Variants in PDSS2 observed in about 807,000 individuals in gnomAD.
PDSS2 encodes decaprenyl diphosphate synthase subunit 2, also known as all trans-polyprenyl-diphosphate synthase PDSS2.
Under a neutral mutation model 44.5 loss-of-function variants are expected in PDSS2, and 31 were observed. That is an observed-to-expected ratio of 0.70 (90% CI 0.52 to 0.94). The LOEUF (loss-of-function observed/expected upper bound fraction) is 0.94, where lower values mean the gene tolerates loss of function less well. Ranked by LOEUF, PDSS2 falls within the 40% of genes least tolerant of loss-of-function variation. PDSS2 has a pLI of 0.00. For synonymous variants in PDSS2, 157 were observed against 180.3 expected, an observed-to-expected ratio of 0.87 and a Z score of 1.03; for missense variants, 452 against 482.2, an observed-to-expected ratio of 0.94 and a Z score of 0.59.
intron 1 of PDSS2, among the ~76,000 whole-genome samples, chr6:107,415,203 C>T (rs1253883936): frequency 2.6e-5 from 4 of 151,846 alleles, no homozygotes; most frequent in Non-Finnish European, 5.9e-5. Context: ...GAAAGAACTC[C>T]TAAGCCCACC....
At chr6:107,181,767 G>A (rs1771992586) in intron 7 of PDSS2, among the ~76,000 whole-genome samples, 1 of 151,024 alleles carries the variant, frequency 6.6e-6, no homozygotes, top group Non-Finnish European at 1.5e-5. Context: ...GTGCACACCT[G>A]TAATCCAAGC....
intron 1 of PDSS2, among the ~76,000 whole-genome samples, chr6:107,390,299 C>T (rs372288642): frequency 3.3e-5 from 5 of 152,114 alleles, no homozygotes; most frequent in East Asian, 1.9e-4. Flanking sequence ...TAAGTCATAA[C>T]GTAAAATGTA....
intron 1 of PDSS2, among the ~76,000 whole-genome samples, chr6:107,452,707 C>A (rs1026748330): frequency 2.6e-5 from 4 of 151,770 alleles, no homozygotes. Context: ...CACTCTGTCT[C>A]CCAGGCTGGC....
chr6:107,423,634 GC>G (rs1197204062), intron 1 of PDSS2, among the ~76,000 whole-genome samples: 2 of 152,130 alleles, frequency 1.3e-5, no homozygotes, highest in Non-Finnish European at 2.9e-5. Flanking sequence ...CTCTCCCGAA[GC>G]CCTTCCAGCA....
chr6:107,229,881 A>T (rs149244372), intron 4 of PDSS2: 1 of 196,004 alleles, frequency 5.1e-6, no homozygotes, highest in African/African-American at 2.3e-5. Context: ...CTAAGGCAGA[A>T]ATTCAGAGAA....
intron 7 of PDSS2, among the ~76,000 whole-genome samples, chr6:107,178,412 G>T (rs1177234006): frequency 6.6e-6 from 1 of 152,166 alleles, no homozygotes; most frequent in Non-Finnish European, 1.5e-5. Flanking sequence ...AGGTGTATTT[G>T]TTAACTTAGA....
intron 7 of PDSS2, among the ~76,000 whole-genome samples, chr6:107,164,462 C>T (rs530685459): frequency 6.6e-5 from 10 of 152,182 alleles, no homozygotes; most frequent in South Asian, 2.1e-4. Flanking sequence ...TGACGGTTTC[C>T]GGTTTCATCC....
intron 1 of PDSS2, among the ~76,000 whole-genome samples, chr6:107,429,809 G>A (rs567776719): frequency 1.4e-5 from 2 of 147,670 alleles, no homozygotes; most frequent in South Asian, 2.2e-4. Flanking sequence ...ACTTGAAATC[G>A]GGAGGCGGAG....
intron 1 of PDSS2, among the ~76,000 whole-genome samples, chr6:107,412,602 A>G (rs987613968): frequency 6.6e-6 from 1 of 152,140 alleles, no homozygotes; most frequent in African/African-American, 2.4e-5. Context: ...CTCCATTTAT[A>G]CAACTGTCGG....
In PDSS2 at chr6:107,285,074, G is replaced by A. The variant is rs552316215; in HGVS notation, c.432-10847C>T. On this transcript the variant is annotated intron_variant, in intron 2 of 7. Transcript: ENST00000369037. The stretch of plus-strand genomic sequence containing the variant: ...CCAGGACTCTGGTTCTAAAGCCTGG[G>A]CTCTTTGCATATCAATAGAAAACTA... 7.2e-5 allele frequency among the ~76,000 whole-genome samples: 11 copies of A among 152,252 alleles called. 1 individual carries two copies. Among genetic ancestry groups the A allele is most frequent in the Admixed American group, 7.2e-4 (11 of 15,288 alleles).
chr6:107,245,474 A>C lies in PDSS2; in HGVS notation c.702+74T>G. The C allele has an allele frequency of 2.7e-6, 2 of 746,468 alleles. 1 individual carries two copies. Among genetic ancestry groups the C allele is most frequent in the South Asian group, 3.5e-5 (2 of 57,934 alleles). 46.2% of individuals were successfully genotyped at this position (746,468 alleles called of 1,614,324 possible). ...ATGTACAATTTAAACACAAAACAAG[A>C]ATGACATTTTCGTTATTCTAGTTGT... On this transcript the variant is annotated intron_variant, in intron 4 of 7. Coordinates refer to ENST00000369037, the MANE Select transcript of PDSS2 (RefSeq NM_020381.4).
chr6:107,327,615 C>T (rs1777588630), intron 2 of PDSS2, among the ~76,000 whole-genome samples: 2 of 152,142 alleles, frequency 1.3e-5, no homozygotes, highest in Non-Finnish European at 1.5e-5. Flanking sequence ...CACCATCATG[C>T]CCAGCTAATT....
intron 2 of PDSS2, among the ~76,000 whole-genome samples, chr6:107,311,333 A>C (rs570717079): frequency 6.6e-6 from 1 of 151,898 alleles, no homozygotes; most frequent in Admixed American, 6.6e-5. Context: ...CAGCCTCCCG[A>C]GTAGCTGGGA....
rs1482929980 is a variant in PDSS2, at chr6:107,154,017, G to T, written c.*602C>A. ...TTGAACCCAGGAGGCGGAGGTTGCA[G>T]TGAGTCAAAACTGCACCATTGCACT... On this transcript the variant is annotated 3_prime_UTR_variant, in exon 8 of 8. Transcript: ENST00000369037. 6.5e-6 allele frequency: 1 copy of T among 152,990 alleles called. No homozygotes were observed. Among genetic ancestry groups the T allele is most frequent in the African/African-American group, 2.4e-5 (1 of 41,430 alleles). The allele number at this position is 152,990 out of a possible 1,614,324, so 9.5% of individuals were successfully genotyped here. A position where few individuals can be genotyped will look rare whatever the true frequency, so the allele number is the denominator to read the frequency against.
chr6:107,267,039 T>C lies in PDSS2; in HGVS notation c.630+6990A>G, dbSNP rs374326097. On this transcript the variant is annotated intron_variant, in intron 3 of 7. Transcript: ENST00000369037. ...TTGTTTGTATCATTTAACATGATTA[T>C]GTTTGTATACAATACCACCGTTTGA... 2.6e-5 allele frequency among the ~76,000 whole-genome samples: 4 copies of C among 152,264 alleles called. No homozygotes were observed. The East Asian group carries it at 7.7e-4, about 29-fold the overall frequency.
At chr6:107,323,348 G>A (rs138520492) in intron 2 of PDSS2, among the ~76,000 whole-genome samples, 1 of 152,274 alleles carries the variant, frequency 6.6e-6, no homozygotes, top group African/African-American at 2.4e-5. Context: ...GTCCAGTGCT[G>A]TGCCTTGCAG....
chr6:107,379,767 G>A (rs1413221872), intron 1 of PDSS2, among the ~76,000 whole-genome samples: 1 of 151,832 alleles, frequency 6.6e-6, no homozygotes, highest in Non-Finnish European at 1.5e-5. Flanking sequence ...TTTAATTCAT[G>A]TTGTTTAGGT....
At position 107,249,728 on chromosome 6, in the gene PDSS2, C is replaced by T. The variant is rs533296568; in HGVS notation, c.631-4109G>A. Among the ~76,000 whole-genome samples the T allele has an allele frequency of 7.2e-5, 11 of 152,310 alleles. No homozygotes were observed. In the East Asian group the frequency reaches 2.1e-3, roughly 29 times the overall value. On this transcript the variant is annotated intron_variant, in intron 3 of 7. Coordinates refer to ENST00000369037, the MANE Select transcript of PDSS2 (RefSeq NM_020381.4). ...TAATGTAAGTGTCATGAGCTGGCTT[C>T]TCCTGCCACCTCCCTTGTTTTGGCT...
intron 4 of PDSS2, among the ~76,000 whole-genome samples, chr6:107,239,711 G>A (rs555820621): frequency 1.7e-4 from 23 of 135,688 alleles, no homozygotes; most frequent in East Asian, 4.5e-4. Flanking sequence ...GTATGATTTC[G>A]GCTCACTGCA....
Sources: gnomAD v4.1 joint callset for allele counts (sites outside exome capture counted in the v4.1 genomes callset) on GRCh38, gnomAD v4.1.1 for gene constraint, MANE v1.5 for transcripts, NCBI Gene and HGNC (gene_info 2026-07-23, HGNC 2026-07-21) for gene names.